TTC23L: variants seen among roughly 807,000 people sequenced by gnomAD.
TTC23L encodes tetratricopeptide repeat domain 23 like.
A neutral mutation model predicts 48.1 loss-of-function variants in TTC23L; 42 were observed. The ratio of observed to expected loss-of-function variants is 0.87; its 90% CI spans 0.68 to 1.13. The LOEUF is 1.13. TTC23L is among the 50% of genes most tolerant of loss of function. The probability of loss-of-function intolerance (pLI) is 0.00; values close to 1 mark genes in which losing one functional copy is unlikely to be tolerated. For missense variants in TTC23L, 391 were observed against 421.0 expected (o/e 0.93, Z 0.62); for synonymous variants, 159 against 157.2 (o/e 1.01, Z -0.09).
chr5:34,860,645 C>T (rs534359356), intron 4 of TTC23L: 14 of 150,228 alleles, frequency 9.3e-5, no homozygotes, highest in African/African-American at 3.5e-4. Context: ...CTCCAGAGTC[C>T]ATTTTTCTCT....
the TTC23L span, among the ~76,000 whole-genome samples, chr5:34,917,385 G>C: frequency 1.3e-5 from 2 of 152,124 alleles, no homozygotes; most frequent in Non-Finnish European, 1.5e-5. Flanking sequence ...TGTAATCCCA[G>C]CACTTTGGGA....
At chr5:34,916,085 C>T in the TTC23L span, 3 of 605,930 alleles carry the variant, frequency 5.0e-6, no homozygotes, top group South Asian at 6.7e-5. Context: ...ACGTGGCCGT[C>T]TTCCTGGAGG....
intron 9 of TTC23L, among the ~76,000 whole-genome samples, chr5:34,892,004 CAGA>C (rs1762895320): frequency 1.3e-5 from 2 of 152,296 alleles, no homozygotes; most frequent in Admixed American, 6.5e-5. Flanking sequence ...TTTGCTGTGG[CAGA>C]AGGTTTTTCT....
chr5:34,859,663 C>T (rs1279874238), intron 4 of TTC23L, among the ~76,000 whole-genome samples: 2 of 152,096 alleles, frequency 1.3e-5, no homozygotes, highest in Non-Finnish European at 2.9e-5. Flanking sequence ...AAGCTGGCGT[C>T]TTCATCTTAG....
At chr5:34,890,725 C>G (rs1347745414) in intron 9 of TTC23L, among the ~76,000 whole-genome samples, 1 of 152,102 alleles carries the variant, frequency 6.6e-6, no homozygotes, top group Non-Finnish European at 1.5e-5. Flanking sequence ...CTCTCTGACT[C>G]CAGGATCTGT....
chr5:34,902,747 T>C (rs907134822), downstream of TTC23L, among the ~76,000 whole-genome samples: 3 of 152,092 alleles, frequency 2.0e-5, no homozygotes, highest in East Asian at 3.9e-4. Flanking sequence ...AGGTCCCACA[T>C]TGCAGACCTG....
At chr5:34,919,424 G>A in the TTC23L span, among the ~76,000 whole-genome samples, 2 of 151,830 alleles carry the variant, frequency 1.3e-5, no homozygotes, top group Non-Finnish European at 2.9e-5. Flanking sequence ...TTAGATTCAA[G>A]GAGTATATGT....
chr5:34,879,956 G>A (rs183942820), intron 8 of TTC23L, among the ~76,000 whole-genome samples: 187 of 152,170 alleles, frequency 1.2e-3, no homozygotes, highest in African/African-American at 4.2e-3. Flanking sequence ...AGGTTGCACC[G>A]CTGCACCCCA....
chr5:34,889,010 G>C (rs1762697685), intron 9 of TTC23L, among the ~76,000 whole-genome samples: 1 of 152,026 alleles, frequency 6.6e-6, no homozygotes, highest in African/African-American at 2.4e-5. Flanking sequence ...TAAATGTTTA[G>C]AATTTAAGTC....
chr5:34,863,193 T>C lies in TTC23L; in HGVS notation c.536+139T>C. ...CCAACATCAAGGCCCTCCATGAGCC[T>C]CTCCTCTCCATCTAGAAGGGTGTGT... On this transcript the variant is annotated intron_variant, in intron 5 of 10. Coordinates refer to ENST00000505624, the Ensembl canonical transcript of TTC23L. This position sits in a 1 kb window ranked among gnomAD's most constrained non-coding sequence, Gnocchi z 4.1. The C allele has an allele frequency of 9.9e-7, 1 of 1,005,118 alleles. No individual in the cohort carries two copies. The allele number at this position is 1,005,118 out of a possible 1,614,324, so 62.3% of individuals were successfully genotyped here.
At chr5:34,912,845 C>CA in the TTC23L span, among the ~76,000 whole-genome samples, 8 of 151,964 alleles carry the variant, frequency 5.3e-5, no homozygotes, top group Admixed American at 5.2e-4. Flanking sequence ...ACTAAAAATA[C>CA]AAAAAATTAG....
chr5:34,853,058 A>G (rs1759809541), intron 4 of TTC23L, among the ~76,000 whole-genome samples: 1 of 152,208 alleles, frequency 6.6e-6, no homozygotes, highest in Admixed American at 6.5e-5. Context: ...TATGGGAGCC[A>G]CAATTCCTGG....
chr5:34,878,314 A>C (rs1761997376), intron 8 of TTC23L, among the ~76,000 whole-genome samples: 1 of 152,170 alleles, frequency 6.6e-6, no homozygotes. Context: ...CAGCCTGGGC[A>C]ACACAGTGAG....
chr5:34,848,678 A>G (rs1198701453), intron 3 of TTC23L, among the ~76,000 whole-genome samples: 2 of 152,164 alleles, frequency 1.3e-5, no homozygotes, highest in South Asian at 2.1e-4. Context: ...GAGTGTCCCA[A>G]GCAGTGGGAG....
At position 34,878,002 on chromosome 5, in the gene TTC23L, A is replaced by G. The variant is rs188037098; in HGVS notation, c.950-2179A>G. 1.7e-3 allele frequency among the ~76,000 whole-genome samples: 257 copies of G among 152,356 alleles called. 1 individual carries two copies. Among genetic ancestry groups the G allele is most frequent in the African/African-American group, 5.9e-3 (246 of 41,588 alleles). ...AAAAGATTCAGGATACAAGTTTAAT[A>G]TGCAGAAGTCAATACTTTCCTATAT... On this transcript the variant is annotated intron_variant, in intron 8 of 10. Coordinates refer to ENST00000505624, the Ensembl canonical transcript of TTC23L.
chr5:34,918,580 A>G, the TTC23L span: 1 of 606,678 alleles, frequency 1.6e-6, no homozygotes, highest in Non-Finnish European at 2.7e-6. Flanking sequence ...TTCTCACGAA[A>G]AAAACACAAT....
chr5:34,891,489 C>T (rs1391753411), intron 9 of TTC23L, among the ~76,000 whole-genome samples: 1 of 152,224 alleles, frequency 6.6e-6, no homozygotes, highest in Non-Finnish European at 1.5e-5. Context: ...CCTTCCCCTT[C>T]TTCACAGAAG....
At chr5:34,850,788 G>A (rs1036293226) in intron 4 of TTC23L, among the ~76,000 whole-genome samples, 2 of 152,176 alleles carry the variant, frequency 1.3e-5, no homozygotes, top group Admixed American at 6.5e-5. Context: ...TCATCCTAGA[G>A]AAATGGTACT....
chr5:34,846,600 T>TATATATATATATATATACAC (rs61009546), intron 3 of TTC23L, among the ~76,000 whole-genome samples: 4 of 92,900 alleles, frequency 4.3e-5, no homozygotes, highest in African/African-American at 1.0e-4. Context: ...TATATATATA[T>TATATATATATATATATACAC]ACACACACAT....
Sources: gnomAD v4.1 joint callset for allele counts (sites outside exome capture counted in the v4.1 genomes callset) on GRCh38, gnomAD v4.1.1 for gene constraint, Gnocchi (gnomAD v3.1) non-coding constraint, MANE v1.5 for transcripts, NCBI Gene and HGNC (gene_info 2026-07-23, HGNC 2026-07-21) for gene names.